CCR5AS: variants seen among roughly 807,000 people sequenced by gnomAD.
CCR5AS encodes the protein CCR5 antisense RNA.
chr3:46,373,174 C>T lies in CCR5AS; in HGVS notation n.392-1757G>A, dbSNP rs901409670. On this transcript the variant is annotated intron_variant and non_coding_transcript_variant, in intron 2 of 3. Transcript: ENST00000451485. ...GTCCCCTTCTGGGCTCACTATGCTGCCGCCCAGTGGGACTTTGGAAATACA... is the reference window on the plus strand; with the variant it reads ...GTCCCCTTCTGGGCTCACTATGCTGTCGCCCAGTGGGACTTTGGAAATACA... 9.9e-6 allele frequency: 16 copies of T among 1,614,164 alleles called. No individual in the cohort carries two copies. Among genetic ancestry groups the T allele is most frequent in the Non-Finnish European group, 1.3e-5 (15 of 1,180,002 alleles).
intron 2 of CCR5AS, among the ~76,000 whole-genome samples, chr3:46,391,906 G>A (rs1418595853): frequency 6.6e-6 from 1 of 152,106 alleles, no homozygotes; most frequent in African/African-American, 2.4e-5. Flanking sequence ...GGAGACTGAA[G>A]GAACAGACAG....
chr3:46,406,409 G>T (rs1031512205), intron 1 of CCR5AS, among the ~76,000 whole-genome samples: 3 of 151,470 alleles, frequency 2.0e-5, no homozygotes, highest in African/African-American at 7.3e-5. Flanking sequence ...CCTTCTTCCA[G>T]ACCGTGCCCT....
At chr3:46,383,255 C>T (rs1701831070) in intron 2 of CCR5AS, among the ~76,000 whole-genome samples, 1 of 152,148 alleles carries the variant, frequency 6.6e-6, no homozygotes, top group Non-Finnish European at 1.5e-5. Flanking sequence ...TTCTGTAGCT[C>T]CTTTTGAAAG....
intron 1 of CCR5AS, among the ~76,000 whole-genome samples, chr3:46,397,900 ACTGT>A (rs758371421): frequency 1.4e-3 from 206 of 152,354 alleles, no homozygotes; most frequent in Non-Finnish European, 2.3e-3. Flanking sequence ...CATTTCGGTC[ACTGT>A]CTGGTGCAGA....
At chr3:46,384,932 T>G (rs1231170798) in intron 2 of CCR5AS, among the ~76,000 whole-genome samples, 1 of 152,070 alleles carries the variant, frequency 6.6e-6, no homozygotes. Context: ...CAGACACTGG[T>G]GTGAGTGTGG....
intron 1 of CCR5AS, among the ~76,000 whole-genome samples, chr3:46,397,853 C>A (rs538482523): frequency 2.0e-5 from 3 of 152,352 alleles, no homozygotes; most frequent in East Asian, 3.9e-4. Context: ...CATTTTACAA[C>A]AAACGGTCAT....
At chr3:46,376,887 G>A (rs1575281545) in intron 2 of CCR5AS, among the ~76,000 whole-genome samples, 1 of 152,142 alleles carries the variant, frequency 6.6e-6, no homozygotes. Context: ...GCTGCCCGTG[G>A]TCCTATTTGG....
intron 1 of CCR5AS, among the ~76,000 whole-genome samples, chr3:46,397,049 C>T (rs1443400968): frequency 6.6e-6 from 1 of 152,196 alleles, no homozygotes; most frequent in East Asian, 1.9e-4. Flanking sequence ...GAAAAGCAGA[C>T]ATTAGGAGGA....
chr3:46,392,280 G>T (rs192625226), intron 2 of CCR5AS, among the ~76,000 whole-genome samples: 1 of 152,136 alleles, frequency 6.6e-6, no homozygotes, highest in Non-Finnish European at 1.5e-5. Flanking sequence ...ACTGTTGTGG[G>T]TATTGATGGC....
At chr3:46,379,624 G>T (rs1701798821) in intron 2 of CCR5AS, among the ~76,000 whole-genome samples, 1 of 152,124 alleles carries the variant, frequency 6.6e-6, no homozygotes, top group South Asian at 2.1e-4. Context: ...GCCAGGCGTG[G>T]TGGCTCACAC....
At chr3:46,373,501 T>A in intron 2 of CCR5AS, 1 of 1,613,116 alleles carries the variant, frequency 6.2e-7, no homozygotes. Flanking sequence ...AAGATAGTCA[T>A]CTTGGGGCTG....
At chr3:46,402,672 A>G (rs1302623501) in intron 1 of CCR5AS, among the ~76,000 whole-genome samples, 1 of 152,252 alleles carries the variant, frequency 6.6e-6, no homozygotes, top group East Asian at 1.9e-4. Context: ...CAGTCTAAAC[A>G]TTCTAATACC....
chr3:46,390,886 G>A (rs1179099615), intron 2 of CCR5AS, among the ~76,000 whole-genome samples: 1 of 152,150 alleles, frequency 6.6e-6, no homozygotes, highest in Non-Finnish European at 1.5e-5. Context: ...AGGGAAACAG[G>A]CCCTTGAAAA....
chr3:46,386,528 G>T (rs186107859), intron 2 of CCR5AS, among the ~76,000 whole-genome samples: 1 of 152,232 alleles, frequency 6.6e-6, no homozygotes, highest in Non-Finnish European at 1.5e-5. Flanking sequence ...TGGTGAGAAA[G>T]CAAGGGTAGA....
intron 2 of CCR5AS, among the ~76,000 whole-genome samples, chr3:46,382,994 C>T (rs1287988864): frequency 2.0e-5 from 3 of 152,176 alleles, no homozygotes; most frequent in African/African-American, 7.2e-5. Context: ...CACATAAAAG[C>T]TCTGGTAACA....
At chr3:46,369,917 G>C (rs529547367) in intron 3 of CCR5AS, among the ~76,000 whole-genome samples, 4 of 152,290 alleles carry the variant, frequency 2.6e-5, no homozygotes, top group African/African-American at 7.2e-5. Context: ...CCTTCTTAGA[G>C]ATCACAAGCC....
chr3:46,379,132 T>C (rs1701790152), intron 2 of CCR5AS, among the ~76,000 whole-genome samples: 1 of 150,080 alleles, frequency 6.7e-6, no homozygotes, highest in African/African-American at 2.4e-5. Context: ...TAACTCGTCA[T>C]CTAGCATTAG....
chr3:46,390,918 G>A (rs1701906261), intron 2 of CCR5AS, among the ~76,000 whole-genome samples: 1 of 152,226 alleles, frequency 6.6e-6, no homozygotes, highest in Non-Finnish European at 1.5e-5. Context: ...GGAGTGGGTA[G>A]CCTCCGTATT....
At chr3:46,390,877 G>A (rs1701905587) in intron 2 of CCR5AS, among the ~76,000 whole-genome samples, 1 of 152,334 alleles carries the variant, frequency 6.6e-6, no homozygotes, top group East Asian at 1.9e-4. Flanking sequence ...ATGGAGGCAA[G>A]GGAAACAGGC....
Sources: gnomAD v4.1 joint callset for allele counts (sites outside exome capture counted in the v4.1 genomes callset) on GRCh38, gnomAD v4.1.1 for gene constraint, MANE v1.5 for transcripts, NCBI Gene and HGNC (gene_info 2026-07-23, HGNC 2026-07-21) for gene names.